RNF121: variants seen among roughly 807,000 people sequenced by gnomAD.
RNF121 encodes ring finger protein 121, also known as E3 ubiquitin ligase RNF121.
RNF121 carries 21 observed loss-of-function variants against 46.5 expected under a neutral mutation model. The observed-to-expected ratio is 0.45, with a 90% CI of 0.32 to 0.65. The LOEUF (loss-of-function observed/expected upper bound fraction) is 0.65. Among genes scored for constraint, RNF121 ranks in the 30% least tolerant of loss-of-function variants. RNF121 has a pLI of 0.04. For synonymous variants in RNF121, 139 were observed against 144.7 expected (o/e 0.96, Z 0.28); for missense variants, 346 against 416.0 (o/e 0.83, Z 1.46).
intron 7 of RNF121, 99 bp downstream of exon 7, chr11:71,994,951 A>G (rs1230480639): frequency 5.3e-6 from 8 of 1,514,484 alleles, no homozygotes; most frequent in Admixed American, 1.7e-5. Flanking sequence ...CATGCTGTCC[A>G]GACCCTTGAG....
At chr11:71,940,736 A>G (rs7932263) in intron 1 of RNF121, among the ~76,000 whole-genome samples, 4,357 of 152,300 alleles carry the variant, frequency 0.029, 225 homozygotes, top group African/African-American at 0.099. Flanking sequence ...TAAACCAGAC[A>G]TGGGAACAGA....
intron 1 of RNF121, among the ~76,000 whole-genome samples, chr11:71,942,592 G>A (rs901168863): frequency 7.9e-5 from 12 of 151,870 alleles, no homozygotes; most frequent in African/African-American, 1.7e-4. Context: ...GTGAAACCCC[G>A]TTTCTACTAA....
chr11:71,957,189 A>C (rs1201543103), intron 1 of RNF121, 38 bp from the exon 2 acceptor site: 3 of 1,425,446 alleles, frequency 2.1e-6, no homozygotes, highest in Non-Finnish European at 9.9e-7. Context: ...GACAGTTTTA[A>C]GACAGTAACG....
At chr11:71,987,912 C>T (rs990480842) in intron 5 of RNF121, among the ~76,000 whole-genome samples, 2 of 152,240 alleles carry the variant, frequency 1.3e-5, no homozygotes, top group African/African-American at 4.8e-5. Context: ...CTAGGAGCCC[C>T]ATTCCCCCAG....
chr11:71,946,303 A>G (rs1248273423), intron 1 of RNF121, among the ~76,000 whole-genome samples: 1 of 152,252 alleles, frequency 6.6e-6, no homozygotes, highest in East Asian at 1.9e-4. Context: ...AACTCCTGAT[A>G]AGTGCTATAA....
chr11:71,987,320 G>A (rs1043780947), intron 5 of RNF121, among the ~76,000 whole-genome samples: 3 of 152,202 alleles, frequency 2.0e-5, no homozygotes, highest in Non-Finnish European at 4.4e-5. Flanking sequence ...CAAAGTCAGA[G>A]TCCTAAATCA....
chr11:71,982,589 G>A (rs1397833042), intron 3 of RNF121, among the ~76,000 whole-genome samples, 172 bp from the exon 4 acceptor site: 2 of 152,278 alleles, frequency 1.3e-5, no homozygotes, highest in Admixed American at 1.3e-4. Context: ...GGGAGGAGGA[G>A]TCAAATATGG....
At chr11:71,992,946 T>C (rs537133865) in intron 6 of RNF121, among the ~76,000 whole-genome samples, 1 of 152,300 alleles carries the variant, frequency 6.6e-6, no homozygotes, top group East Asian at 1.9e-4. Flanking sequence ...CTCAGTGTCA[T>C]CCCCCAAGAC....
At chr11:71,969,609 C>T (rs1386777543) in intron 3 of RNF121, among the ~76,000 whole-genome samples, 3 of 152,160 alleles carry the variant, frequency 2.0e-5, no homozygotes, top group African/African-American at 7.2e-5. Context: ...GTCACCCAGT[C>T]TGGAGTGTGG....
intron 1 of RNF121, among the ~76,000 whole-genome samples, chr11:71,944,991 TTTG>T (rs1179979946): frequency 2.0e-5 from 3 of 151,876 alleles, no homozygotes; most frequent in Non-Finnish European, 4.4e-5. Flanking sequence ...GAGTCACTTT[TTTG>T]TTGTTTTTTT....
rs79487915 is a variant in RNF121, at chr11:71,994,610, C to T, written c.628-109C>T. On this transcript the variant is annotated intron_variant, in intron 6 of 8. Transcript: ENST00000361756. ...AGATGTCCTCTAACTCTGGGCCTCC[C>T]GCTGCCACTGTGCCTCTTCTCTAGA... is the stretch of plus-strand genomic sequence containing the variant. The T allele has an allele frequency of 3.9e-4, 513 of 1,307,678 alleles. 3 individuals carry two copies. The African/African-American group carries it at 7.0e-3, about 18-fold the overall frequency. The allele number at this position is 1,307,678 out of a possible 1,614,324, so 81.0% of individuals were successfully genotyped here. A position where few individuals can be genotyped will look rare whatever the true frequency, so the allele number is the denominator to read the frequency against.
chr11:71,939,955 A>T (rs1590769550), intron 1 of RNF121, among the ~76,000 whole-genome samples: 1 of 152,346 alleles, frequency 6.6e-6, no homozygotes, highest in African/African-American at 2.4e-5. Flanking sequence ...TACGTACAAG[A>T]TGCCACAAGT....
chr11:71,929,695 A>C (rs1460467071), intron 1 of RNF121, among the ~76,000 whole-genome samples: 1 of 152,196 alleles, frequency 6.6e-6, no homozygotes, highest in Non-Finnish European at 1.5e-5. Flanking sequence ...TGAATAAATG[A>C]TTGTATGCCG....
Position 71,982,797 on chromosome 11 carries a change from T to A in RNF121, c.280T>A (p.Tyr94Asn). The A allele has an allele frequency of 6.2e-7, 1 of 1,613,570 alleles. No homozygotes were observed. The highest frequency in any genetic ancestry group is 8.5e-7 in the Non-Finnish European group (1 of 1,179,794). ...TLFQMWVVPL[Y>N]FTVKLHWWRF... is the part of the protein sequence containing the mutation. ...CTTTCAGATGTGGGTTGTTCCCCTC[T>A]ATTTCACAGTGAAGCTGCACTGGTG... Residue 94 changes from tyrosine (Y) to asparagine (N), a missense_variant, in exon 4 of 9, where the codon TAT becomes AAT. Tyr to Asn is a moderately radical substitution (Grantham distance 143, BLOSUM62 -2). This residue lies in a region of RNF121 where 286 missense variants were observed against 383.8 expected (regional missense o/e 0.75). Coordinates refer to ENST00000361756, the MANE Select transcript of RNF121 (RefSeq NM_018320.5).
chr11:71,994,741 C>G lies in RNF121; in HGVS notation c.650C>G (p.Pro217Arg), dbSNP rs1954938320. 6.2e-7 allele frequency: 1 copy of G among 1,614,132 alleles called. No individual in the cohort carries two copies. The highest frequency in any genetic ancestry group is 8.5e-7 in the Non-Finnish European group (1 of 1,180,028). ...TIGFYSESGM[P>R]TKHLSDSVCA... ...CAGTTCTACAGCGAGTCGGGCATGC[C>G]TACCAAACATCTTTCAGACAGTGTG... is the stretch of plus-strand genomic sequence containing the variant. The change falls in exon 7 of 9, where the codon CCT becomes CGT. Residue 217 changes from proline to arginine, a missense_variant. Physicochemically the swap from Pro to Arg is moderately radical, Grantham distance 103. Coordinates refer to ENST00000361756, the MANE Select transcript of RNF121 (RefSeq NM_018320.5).
intron 4 of RNF121, 114 bp from the exon 5 acceptor site, chr11:71,986,890 C>T (rs941563433): frequency 1.5e-5 from 10 of 687,556 alleles, no homozygotes; most frequent in African/African-American, 1.1e-4. Flanking sequence ...TCAGTAAGTC[C>T]TGAGCAAAGA....
intron 1 of RNF121, among the ~76,000 whole-genome samples, chr11:71,940,437 G>A (rs1473448837): frequency 6.6e-6 from 1 of 152,144 alleles, no homozygotes; most frequent in East Asian, 1.9e-4. Context: ...GGCCTTCATG[G>A]ATGATTTGAA....
intron 1 of RNF121, among the ~76,000 whole-genome samples, chr11:71,932,207 G>C (rs1362421512): frequency 2.0e-5 from 3 of 152,224 alleles, no homozygotes; most frequent in Non-Finnish European, 2.9e-5. Flanking sequence ...TATTTATTCA[G>C]CTCTTAACCA....
intron 6 of RNF121, 93 bp from the exon 7 acceptor site, chr11:71,994,626 C>G: frequency 6.7e-7 from 1 of 1,492,658 alleles, no homozygotes. Context: ...CACTGTGCCT[C>G]TTCTCTAGAA....
Sources: allele counts gnomAD v4.1 joint callset (sites outside exome capture counted in the v4.1 genomes callset), GRCh38; gene constraint gnomAD v4.1.1; regional missense constraint gnomAD v4.1.1; transcripts MANE v1.5; gene names NCBI Gene and HGNC (gene_info 2026-07-23, HGNC 2026-07-21).